Variants in GOLGA4 observed in about 807,000 individuals in gnomAD.
GOLGA4 encodes the protein golgin subfamily A member 4.
Under a neutral mutation model 265.9 loss-of-function variants are expected in GOLGA4, and 169 were observed. The ratio of observed to expected loss-of-function variants is 0.64; its 90% CI spans 0.56 to 0.72. GOLGA4 has a LOEUF of 0.72. Ranked by LOEUF, GOLGA4 falls within the 30% of genes least tolerant of loss-of-function variation. The pLI, the probability that GOLGA4 is intolerant of heterozygous loss-of-function variation, is 0.00. For missense variants in GOLGA4, 2,482 were observed against 2,483.4 expected (o/e 1.00, Z 0.01); for synonymous variants, 923 against 855.8 (o/e 1.08, Z -1.37).
chr3:37,326,306 G>A lies in GOLGA4; in HGVS notation c.4420G>A (p.Ala1474Thr), dbSNP rs2096970593. The change falls in exon 14 of 24, where the codon GCT (alanine) becomes ACT (threonine). Residue 1474 changes from alanine to threonine, a missense_variant. Ala to Thr is a moderately conservative substitution (Grantham distance 58). Coordinates refer to ENST00000361924, the MANE Select transcript of GOLGA4 (RefSeq NM_002078.5). ...QIQLELKSKEAYEKDEQINLL... is the reference protein window; with the variant it reads ...QIQLELKSKETYEKDEQINLL... ...CCAGCTTGAGTTAAAATCAAAGGAA[G>A]CTTATGAAAAGGATGAGCAGATAAA... The A allele has an allele frequency of 1.2e-6, 2 of 1,611,568 alleles. No homozygotes were observed. The highest frequency in any genetic ancestry group is 1.7e-5 in the Admixed American group (1 of 59,706).
chr3:37,276,071 G>T (rs990032303), intron 2 of GOLGA4: 5 of 1,612,356 alleles, frequency 3.1e-6, no homozygotes, highest in South Asian at 2.2e-5. Flanking sequence ...AGATACTTAT[G>T]TTTCATCCTT....
intron 22 of GOLGA4, among the ~76,000 whole-genome samples, chr3:37,355,721 C>T (rs777114965): frequency 1.9e-4 from 29 of 151,974 alleles, no homozygotes; most frequent in Non-Finnish European, 4.0e-4. Context: ...ATGAAAGAAA[C>T]ACACACTTTG....
chr3:37,339,858 T>G (rs1188509541), intron 19 of GOLGA4, among the ~76,000 whole-genome samples: 1 of 152,232 alleles, frequency 6.6e-6, no homozygotes, highest in Non-Finnish European at 1.5e-5. Context: ...TGTCTGTTGA[T>G]GTACAAAAGT....
At chr3:37,363,025 G>A (rs529229496) in intron 23 of GOLGA4, among the ~76,000 whole-genome samples, 13 of 151,812 alleles carry the variant, frequency 8.6e-5, no homozygotes, top group African/African-American at 2.7e-4. Flanking sequence ...CTCATGATCT[G>A]CCCACCTTGG....
At chr3:37,266,996 C>T in intron 2 of GOLGA4, 1 of 770,726 alleles carries the variant, frequency 1.3e-6, no homozygotes, top group South Asian at 1.5e-5. Flanking sequence ...AGTAATTTGG[C>T]AATTGTAGAA....
chr3:37,364,707 C>T (rs1046482122), intron 23 of GOLGA4, among the ~76,000 whole-genome samples: 5 of 151,666 alleles, frequency 3.3e-5, no homozygotes, highest in Admixed American at 1.3e-4. Flanking sequence ...CCGCCTCAGC[C>T]TTCTGAGTAG....
intron 2 of GOLGA4, chr3:37,276,020 A>C: frequency 6.2e-7 from 1 of 1,613,104 alleles, no homozygotes; most frequent in Non-Finnish European, 8.5e-7. Context: ...AAGTACTTCC[A>C]GCGGCAATGT....
At chr3:37,276,250 A>G in intron 2 of GOLGA4, 1 of 1,559,136 alleles carries the variant, frequency 6.4e-7, no homozygotes, top group Non-Finnish European at 8.8e-7. Flanking sequence ...CAGACATGAA[A>G]TACAAAAATA....
At chr3:37,245,786 A>C (rs1578313974) in intron 1 of GOLGA4, among the ~76,000 whole-genome samples, 1 of 151,754 alleles carries the variant, frequency 6.6e-6, no homozygotes, top group Non-Finnish European at 1.5e-5. Flanking sequence ...CTGGTCTCCA[A>C]CTCCGGACCT....
chr3:37,258,167 A>G (rs1345251013), intron 2 of GOLGA4, among the ~76,000 whole-genome samples: 1 of 144,258 alleles, frequency 6.9e-6, no homozygotes, highest in East Asian at 2.0e-4. Flanking sequence ...TGTATGCTAT[A>G]TATATAGCAT....
chr3:37,271,800 G>A (rs1412876047), intron 2 of GOLGA4, among the ~76,000 whole-genome samples: 1 of 152,200 alleles, frequency 6.6e-6, no homozygotes, highest in Non-Finnish European at 1.5e-5. Flanking sequence ...TGCACAGCAG[G>A]AGGTAAGAGG....
chr3:37,324,997 ACG>A lies in GOLGA4; in HGVS notation c.3112_3113del (p.Glu1039ThrfsTer3), dbSNP rs1195076112. 1 of 1,613,356 alleles carries A rather than the reference ACG, an allele frequency of 6.2e-7. No homozygotes were observed. Among genetic ancestry groups the A allele is most frequent in the Non-Finnish European group, 8.5e-7 (1 of 1,179,630 alleles). On this transcript the variant is annotated frameshift_variant, in exon 14 of 24. Transcript: ENST00000361924. LOFTEE classifies it high-confidence loss of function. Reference sequence around the variant, plus strand: ...TAGAAAGTCTTACTGAGGTTCATCGACGAGAACTCAATGATGTCATATCAATC... The same window carrying A: ...TAGAAAGTCTTACTGAGGTTCATCGAAGAACTCAATGATGTCATATCAATC... ...QIESLTEVHR[R>X]ELNDVISIWE...
intron 9 of GOLGA4, among the ~76,000 whole-genome samples, chr3:37,301,187 AC>A (rs1201369542): frequency 3.9e-5 from 6 of 152,236 alleles, no homozygotes; most frequent in Non-Finnish European, 7.3e-5. Context: ...AGACAAGTGA[AC>A]CACCTCATTT....
rs755889799 is a variant in GOLGA4, at chr3:37,323,987, C to T, written c.2101C>T (p.His701Tyr). 1 of 1,613,654 alleles carries T rather than the reference C, an allele frequency of 6.2e-7. No individual in the cohort carries two copies. Among genetic ancestry groups the T allele is most frequent in the South Asian group, 1.1e-5 (1 of 91,048 alleles). ...ACTGTCAGAAGTATTAAAAGCCCGT[C>T]ACAAACTAGAAGAGGAACTTTCTGT... Reference protein sequence around the residue: ...SELSEVLKARHKLEEELSVLK... With the variant: ...SELSEVLKARYKLEEELSVLK... The change falls in exon 14 of 24, where the codon CAC becomes TAC. Residue 701 changes from histidine (H) to tyrosine (Y), a missense_variant. His to Tyr is a moderately conservative substitution (Grantham distance 83). Transcript: ENST00000361924.
intron 16 of GOLGA4, among the ~76,000 whole-genome samples, chr3:37,334,619 G>A (rs1324160825): frequency 6.6e-6 from 1 of 152,134 alleles, no homozygotes; most frequent in East Asian, 1.9e-4. Flanking sequence ...CTATTTTCTA[G>A]AAATCAAATT....
In GOLGA4 at chr3:37,243,484, G is replaced by C; in HGVS notation, c.-67G>C. 7.1e-7 allele frequency: 1 copy of C among 1,411,338 alleles called. No homozygotes were observed. Among genetic ancestry groups the C allele is most frequent in the Non-Finnish European group, 1.0e-6 (1 of 995,758 alleles). 87.4% of individuals were successfully genotyped at this position (1,411,338 alleles called of 1,614,324 possible). A position where few individuals can be genotyped will look rare whatever the true frequency, so the allele number is the denominator to read the frequency against. On this transcript the variant is annotated 5_prime_UTR_variant, in exon 1 of 24. Coordinates refer to ENST00000361924, the MANE Select transcript of GOLGA4 (RefSeq NM_002078.5). The stretch of plus-strand genomic sequence containing the variant: ...TAAAGAAGTCGCCGTAGCCGTCGCG[G>C]CCGGGACTCCCCGGGCTCTCGCCCT...
rs143414876 is a variant in GOLGA4, at chr3:37,304,231, A to G, written c.1234+1899A>G. On this transcript the variant is annotated intron_variant, in intron 10 of 23. Coordinates refer to ENST00000361924, the MANE Select transcript of GOLGA4 (RefSeq NM_002078.5). Reference sequence around the variant, plus strand: ...GGCAAGGATTTGATTTGGAGGATGCAGTTTTGAGAAATGATTTTATAAACC... The same window carrying G: ...GGCAAGGATTTGATTTGGAGGATGCGGTTTTGAGAAATGATTTTATAAACC... Among the ~76,000 whole-genome samples, 6 of 152,340 alleles carry G rather than the reference A, an allele frequency of 3.9e-5. No homozygotes were observed. In the East Asian group the frequency reaches 9.6e-4, roughly 24 times the overall value.
chr3:37,302,498 G>A (rs2096895784), intron 10 of GOLGA4, among the ~76,000 whole-genome samples, 166 bp downstream of exon 10: 1 of 152,234 alleles, frequency 6.6e-6, no homozygotes, highest in African/African-American at 2.4e-5. Context: ...TTGGCAAACT[G>A]TGGCCTGTGG....
chr3:37,310,917 AC>A (rs2096921527), intron 10 of GOLGA4, among the ~76,000 whole-genome samples: 1 of 152,180 alleles, frequency 6.6e-6, no homozygotes, highest in African/African-American at 2.4e-5. Context: ...TGACTGATGC[AC>A]GCTTTATTTC....
Sources: allele counts gnomAD v4.1 joint callset (sites outside exome capture counted in the v4.1 genomes callset), GRCh38; gene constraint gnomAD v4.1.1; transcripts MANE v1.5; gene names NCBI Gene and HGNC (gene_info 2026-07-23, HGNC 2026-07-21).